Variants in PCCA observed in about 807,000 individuals in gnomAD.
PCCA encodes the protein propionyl-CoA carboxylase alpha chain, mitochondrial.
PCCA carries 74 observed loss-of-function variants against 101.3 expected under a neutral mutation model. The ratio of observed to expected loss-of-function variants is 0.73; its 90% confidence interval spans 0.61 to 0.89. The LOEUF is 0.89. PCCA is among the 40% of genes least tolerant of loss of function. PCCA has a pLI of 0.00. For missense variants in PCCA, 891 were observed against 907.0 expected (o/e 0.98, Z 0.23); for synonymous variants, 294 against 313.6 (o/e 0.94, Z 0.66).
chr13:100,474,440 TTCTCTCTCTCTCTC>T (rs58811683), intron 21 of PCCA, among the ~76,000 whole-genome samples: 2 of 144,398 alleles, frequency 1.4e-5, no homozygotes, highest in African/African-American at 2.6e-5. Context: ...TATTTACTGT[TTCTCTCTCTCTCTC>T]TCTCTCTCTC....
chr13:100,220,240 A>G (rs1459500742), intron 7 of PCCA, among the ~76,000 whole-genome samples: 2 of 152,004 alleles, frequency 1.3e-5, no homozygotes, highest in African/African-American at 4.8e-5. Context: ...ACCGTGTCCA[A>G]TATTTACAGT....
rs2088273221 is a variant in PCCA at position 100,529,987 on chromosome 13, G to A, written c.2119-111G>A. ...GGGTGGGGTGGCTTGTCCCTGTGCT[G>A]CTGAGCTTGCAGGACTGTGCATTTT... On this transcript the variant is annotated intron_variant, in intron 23 of 23. Coordinates refer to ENST00000376285, the MANE Select transcript of PCCA (RefSeq NM_000282.4). The A allele has an allele frequency of 2.4e-5, 20 of 841,676 alleles. 1 individual carries two copies. The South Asian group carries it at 2.8e-4, about 12-fold the overall frequency. The allele number at this position is 841,676 out of a possible 1,614,324, so 52.1% of individuals were successfully genotyped here. A position where few individuals can be genotyped will look rare whatever the true frequency, so the allele number is the denominator to read the frequency against.
intron 22 of PCCA, 59 bp downstream of exon 22, chr13:100,515,626 G>A: frequency 6.3e-7 from 1 of 1,595,568 alleles, no homozygotes; most frequent in African/African-American, 1.3e-5. Context: ...CCCTTCCAAA[G>A]CGACGGCTAA....
intron 19 of PCCA, among the ~76,000 whole-genome samples, chr13:100,418,497 A>G (rs1005715099): frequency 6.6e-6 from 1 of 152,140 alleles, no homozygotes; most frequent in Non-Finnish European, 1.5e-5. Context: ...TCTGATCACC[A>G]TGACTTTTAG....
At chr13:100,191,745 G>T (rs1276211403) in intron 6 of PCCA, among the ~76,000 whole-genome samples, 1 of 152,214 alleles carries the variant, frequency 6.6e-6, no homozygotes, top group Non-Finnish European at 1.5e-5. Flanking sequence ...GCTGGGAATA[G>T]GGGTGATAAC....
At chr13:100,515,246 T>A (rs2086748393) in intron 21 of PCCA, among the ~76,000 whole-genome samples, 181 bp from the exon 22 acceptor site, 1 of 152,244 alleles carries the variant, frequency 6.6e-6, no homozygotes, top group African/African-American at 2.4e-5. Flanking sequence ...CTTTCTGAAA[T>A]AGCTCAATAT....
intron 6 of PCCA, among the ~76,000 whole-genome samples, chr13:100,162,836 C>T (rs1293612332): frequency 6.6e-6 from 1 of 152,074 alleles, no homozygotes; most frequent in Non-Finnish European, 1.5e-5. Flanking sequence ...TTCTGTGACT[C>T]CTTTTTCCTT....
chr13:100,338,727 C>T (rs1463157536), intron 17 of PCCA, among the ~76,000 whole-genome samples: 1 of 148,062 alleles, frequency 6.8e-6, no homozygotes, highest in Non-Finnish European at 1.5e-5. Context: ...ATTCCCAGAA[C>T]CAGTTGGTAG....
chr13:100,380,664 T>C (rs761635096), intron 19 of PCCA, among the ~76,000 whole-genome samples: 21 of 152,220 alleles, frequency 1.4e-4, no homozygotes, highest in Non-Finnish European at 2.1e-4. Context: ...CTACCTCATA[T>C]TGATTAGTAT....
At chr13:100,495,035 A>G (rs778677967) in intron 21 of PCCA, among the ~76,000 whole-genome samples, 5 of 151,932 alleles carry the variant, frequency 3.3e-5, no homozygotes, top group South Asian at 2.1e-4. Flanking sequence ...GCGATTCTCA[A>G]CCGGGGCAGT....
At chr13:100,514,534 CAA>C (rs2086694268) in intron 21 of PCCA, among the ~76,000 whole-genome samples, 1 of 152,190 alleles carries the variant, frequency 6.6e-6, no homozygotes, top group South Asian at 2.1e-4. Context: ...CCAATTTCAC[CAA>C]GAGACACTTC....
Position 100,307,177 on chromosome 13 carries a change from C to CT in PCCA, c.1285-8dup, listed in dbSNP as rs2066517246. The CT allele has an allele frequency of 2.5e-6, 4 of 1,594,196 alleles. No homozygotes were observed. Among genetic ancestry groups the CT allele is most frequent in the Non-Finnish European group, 3.4e-6 (4 of 1,165,416 alleles). On this transcript the variant is annotated splice_polypyrimidine_tract_variant and intron_variant, in intron 14 of 23. Transcript: ENST00000376285. ...CAATATGAATTACTTTTCTTTTTTT[C>CT]TTTTTTTCTCCCAGGTCCGAGTGGA...
At chr13:100,299,390 T>C (rs1161303601) in intron 12 of PCCA, among the ~76,000 whole-genome samples, 1 of 152,224 alleles carries the variant, frequency 6.6e-6, no homozygotes, top group African/African-American at 2.4e-5. Context: ...AAGACATGTA[T>C]ACATAATTGT....
At chr13:100,213,041 A>G (rs1307054807) in intron 7 of PCCA, among the ~76,000 whole-genome samples, 1 of 152,088 alleles carries the variant, frequency 6.6e-6, no homozygotes, top group Admixed American at 6.6e-5. Flanking sequence ...CTCCAGTTCC[A>G]TCTATGTTGT....
In PCCA at chr13:100,341,979, A is replaced by ATATATATATATATATATGTG. The variant is rs966272516; in HGVS notation, c.1643+1723_1643+1724insATATATATATATATGTGTAT. On this transcript the variant is annotated intron_variant, in intron 18 of 23. Coordinates refer to ENST00000376285, the MANE Select transcript of PCCA (RefSeq NM_000282.4). ...AAAGTATATATATATATATATATAT[A>ATATATATATATATATATGTG]TATGTATTTATGTGTGTGTATATAT... 6.1e-5 allele frequency among the ~76,000 whole-genome samples: 7 copies of ATATATATATATATATATGTG among 114,532 alleles called. No homozygotes were observed. The East Asian group carries it at 1.6e-3, about 26-fold the overall frequency. 75.1% of individuals were successfully genotyped at this position (114,532 alleles called of 152,430 possible).
chr13:100,202,741 A>AT (rs1257598209), intron 6 of PCCA, among the ~76,000 whole-genome samples: 3 of 149,676 alleles, frequency 2.0e-5, no homozygotes, highest in African/African-American at 7.4e-5. Context: ...TTATTTATTC[A>AT]TTTTTTATAT....
intron 1 of PCCA, 122 bp from the exon 2 acceptor site, chr13:100,102,761 G>T (rs373378789): frequency 5.7e-6 from 4 of 704,352 alleles, no homozygotes; most frequent in African/African-American, 1.7e-5. Flanking sequence ...ATGGTATATT[G>T]CCTAGAACTA....
chr13:100,465,179 C>T (rs1188856443), intron 21 of PCCA, among the ~76,000 whole-genome samples: 1 of 152,056 alleles, frequency 6.6e-6, no homozygotes, highest in African/African-American at 2.4e-5. Flanking sequence ...AAGCTGACCC[C>T]CCATGTCTGA....
chr13:100,489,233 G>T (rs1029823438), intron 21 of PCCA, among the ~76,000 whole-genome samples: 1 of 152,138 alleles, frequency 6.6e-6, no homozygotes, highest in Non-Finnish European at 1.5e-5. Context: ...GCGTGAACCC[G>T]GGAGGCGGAG....
Sources: gnomAD v4.1 joint callset for allele counts (sites outside exome capture counted in the v4.1 genomes callset) on GRCh38, gnomAD v4.1.1 for gene constraint, MANE v1.5 for transcripts, NCBI Gene and HGNC (gene_info 2026-07-23, HGNC 2026-07-21) for gene names.